The following POU3F3 variants were observed in gnomAD, a reference collection of about 807,000 sequenced individuals.
POU3F3 encodes the protein POU class 3 homeobox 3, also known as POU domain, class 3, transcription factor 3.
A neutral mutation model predicts 8.6 loss-of-function variants in POU3F3; 1 was observed. The observed-to-expected ratio is 0.12, with a 90% CI of 0.04 to 0.55. POU3F3 has a LOEUF of 0.55. POU3F3 is among the 20% of genes least tolerant of loss of function. POU3F3 has a pLI of 0.91. For synonymous variants in POU3F3, 418 were observed against 327.4 expected (o/e 1.28, Z -2.99); for missense variants, 577 against 690.7 (o/e 0.84, Z 1.84).
At chr2:104,913,129 C>T in the POU3F3 span, among the ~76,000 whole-genome samples, 1 of 152,014 alleles carries the variant, frequency 6.6e-6, no homozygotes, top group Non-Finnish European at 1.5e-5. Context: ...CCTTGTTCTC[C>T]AGCCCGCAGC....
At chr2:104,869,964 G>T in the POU3F3 span, 6 of 152,216 alleles carry the variant, frequency 3.9e-5, no homozygotes, top group East Asian at 1.9e-4. Flanking sequence ...GAACAGAAAA[G>T]AAATTGTTGT....
At position 104,858,289 on chromosome 2, in the gene POU3F3, G is replaced by C. The variant is rs1313235167; in HGVS notation, c.*1276G>C. The C allele has an allele frequency of 6.6e-6, 1 of 152,134 alleles. No individual in the cohort carries two copies. Among genetic ancestry groups the C allele is most frequent in the Non-Finnish European group, 1.5e-5 (1 of 68,014 alleles). The allele number at this position is 152,134 out of a possible 1,614,324, so 9.4% of individuals were successfully genotyped here. ...TTTCAAAAGACGGCAATATAGAATTGTTAGATCCGTTGTTGATCTAAAAAT... is the reference window on the plus strand; with the variant it reads ...TTTCAAAAGACGGCAATATAGAATTCTTAGATCCGTTGTTGATCTAAAAAT... On this transcript the variant is annotated 3_prime_UTR_variant, in exon 1 of 1. Coordinates refer to ENST00000361360, the MANE Select transcript of POU3F3 (RefSeq NM_006236.3).
chr2:104,922,481 C>A, the POU3F3 span, among the ~76,000 whole-genome samples: 5 of 147,832 alleles, frequency 3.4e-5, no homozygotes, highest in Non-Finnish European at 6.0e-5. Flanking sequence ...TAGAAGAAAC[C>A]AAAAAGACAT....
downstream of POU3F3, among the ~76,000 whole-genome samples, chr2:104,860,129 A>C (rs1573323267): frequency 6.6e-6 from 1 of 152,272 alleles, no homozygotes; most frequent in Non-Finnish European, 1.5e-5. Context: ...AAGAGCTAAC[A>C]TTAGATTTCA....
At chr2:104,918,016 C>T in the POU3F3 span, among the ~76,000 whole-genome samples, 1 of 152,216 alleles carries the variant, frequency 6.6e-6, no homozygotes, top group Non-Finnish European at 1.5e-5. Flanking sequence ...TTATTCTGGG[C>T]ATCCATGTAT....
chr2:104,872,698 T>C, the POU3F3 span: 2 of 219,678 alleles, frequency 9.1e-6, no homozygotes, highest in Admixed American at 1.2e-4. The surrounding 1 kb of genome is among the most constrained non-coding windows in gnomAD (Gnocchi z 4.6). Flanking sequence ...TGCTACTTTC[T>C]TAAAGGAGAA....
chr2:104,866,931 G>C, the POU3F3 span: 1 of 152,226 alleles, frequency 6.6e-6, no homozygotes, highest in Non-Finnish European at 1.5e-5. Flanking sequence ...TGCCCTGTGG[G>C]GTAGTAGGAG....
the POU3F3 span, among the ~76,000 whole-genome samples, chr2:104,916,771 C>A: frequency 6.6e-6 from 1 of 152,130 alleles, no homozygotes; most frequent in Admixed American, 6.5e-5. Context: ...ATCTTAGAGG[C>A]TGCCTAACAG....
rs1313744125 is a variant in POU3F3 at position 104,857,500 on chromosome 2, A to T, written c.*487A>T. The T allele has an allele frequency of 6.5e-6, 1 of 153,744 alleles. No individual in the cohort carries two copies. The highest frequency in any genetic ancestry group is 6.5e-5 in the Admixed American group (1 of 15,282). The allele number at this position is 153,744 out of a possible 1,614,324, so 9.5% of individuals were successfully genotyped here. ...GATGACCTACACGGCAGCGGTGGAC[A>T]GCACCTGCCTCGTCTTCTCCTCTTT... is the stretch of plus-strand genomic sequence containing the variant. On this transcript the variant is annotated 3_prime_UTR_variant, in exon 1 of 1. Coordinates refer to ENST00000361360, the MANE Select transcript of POU3F3 (RefSeq NM_006236.3).
At chr2:104,916,761 A>G in the POU3F3 span, among the ~76,000 whole-genome samples, 1 of 152,194 alleles carries the variant, frequency 6.6e-6, no homozygotes, top group African/African-American at 2.4e-5. Flanking sequence ...ATCTGGGGCC[A>G]TCTTAGAGGC....
chr2:104,912,507 C>G, the POU3F3 span, among the ~76,000 whole-genome samples: 4 of 152,214 alleles, frequency 2.6e-5, no homozygotes, highest in Non-Finnish European at 5.9e-5. Context: ...TGCTCAGATT[C>G]AATACCTGAG....
the POU3F3 span, among the ~76,000 whole-genome samples, chr2:104,908,279 A>C: frequency 4.6e-5 from 7 of 152,210 alleles, no homozygotes; most frequent in Non-Finnish European, 8.8e-5. Flanking sequence ...TCATTGATGA[A>C]AATGCTTTGG....
the POU3F3 span, among the ~76,000 whole-genome samples, chr2:104,885,507 G>T: frequency 2.0e-5 from 3 of 152,332 alleles, no homozygotes; most frequent in Admixed American, 6.5e-5. Flanking sequence ...CGATGAAAGT[G>T]ACCTCTGGTC....
At chr2:104,883,565 C>T in the POU3F3 span, among the ~76,000 whole-genome samples, 1 of 152,202 alleles carries the variant, frequency 6.6e-6, no homozygotes, top group Admixed American at 6.5e-5. Context: ...CAGCTTTGGA[C>T]TCTGTCCAGC....
Position 104,856,314 on chromosome 2 carries a change from C to A in POU3F3, c.804C>A (p.Ala268=). Residue 268 remains alanine, a synonymous_variant, in exon 1 of 1, where the codon GCC becomes GCA. Transcript: ENST00000361360. ...TGCGCGGGGACACGCCAGAGCTGGCCGAGCACCACCACCACCACCACCACC... is the reference window on the plus strand; with the variant it reads ...TGCGCGGGGACACGCCAGAGCTGGCAGAGCACCACCACCACCACCACCACC... ...GLVRGDTPEL[A]EHHHHHHHHA... 6.6e-7 allele frequency: 1 copy of A among 1,505,984 alleles called. No individual in the cohort carries two copies. 93.3% of individuals were successfully genotyped at this position (1,505,984 alleles called of 1,614,324 possible). A position where few individuals can be genotyped will look rare whatever the true frequency, so the allele number is the denominator to read the frequency against.
the POU3F3 span, among the ~76,000 whole-genome samples, chr2:104,920,295 G>A: frequency 2.0e-5 from 3 of 152,162 alleles, no homozygotes; most frequent in Non-Finnish European, 2.9e-5. Context: ...GATTACAGGC[G>A]TGAGCCACCG....
the POU3F3 span, among the ~76,000 whole-genome samples, chr2:104,920,340 TCA>T: frequency 6.6e-6 from 1 of 152,190 alleles, no homozygotes; most frequent in Non-Finnish European, 1.5e-5. Context: ...AAGCAGTCTC[TCA>T]GTCAACCTAG....
At chr2:104,884,417 G>A in the POU3F3 span, among the ~76,000 whole-genome samples, 87 of 152,180 alleles carry the variant, frequency 5.7e-4, no homozygotes, top group Admixed American at 2.8e-3. Context: ...CATCGACACC[G>A]CAGGGGACCA....
the POU3F3 span, among the ~76,000 whole-genome samples, chr2:104,881,100 C>CTCTTTCTTTATTTCTTTCTT: frequency 1.7e-5 from 2 of 120,434 alleles, no homozygotes; most frequent in African/African-American, 6.1e-5. Context: ...TATATATTTT[C>CTCTTTCTTTATTTCTTTCTT]TCTTTCTTTC....
Sources: allele counts gnomAD v4.1 joint callset (sites outside exome capture counted in the v4.1 genomes callset), GRCh38; gene constraint gnomAD v4.1.1; non-coding constraint Gnocchi (gnomAD v3.1); transcripts MANE v1.5; gene names NCBI Gene and HGNC (gene_info 2026-07-23, HGNC 2026-07-21).